SERPINB8: variants seen among roughly 807,000 people sequenced by gnomAD.
The protein encoded by SERPINB8 is serpin B8.
SERPINB8 carries 25 observed loss-of-function variants against 35.3 expected under a neutral mutation model. That is an observed-to-expected ratio of 0.71 (90% CI 0.52 to 0.99). The LOEUF is 0.99. SERPINB8 is among the 50% of genes least tolerant of loss of function. The pLI is 0.00. For synonymous variants in SERPINB8, 186 were observed against 160.8 expected (o/e 1.16, Z -1.19); for missense variants, 484 against 446.5 (o/e 1.08, Z -0.76).
rs2050442052 is a variant in SERPINB8, at chr18:63,970,190, AC to A, written c.-11+22del. The A allele has an allele frequency of 6.6e-6, 2 of 303,334 alleles. No homozygotes were observed. The highest frequency in any genetic ancestry group is 1.3e-5 in the Non-Finnish European group (2 of 154,990). 18.8% of individuals were successfully genotyped at this position (303,334 alleles called of 1,614,324 possible). A position where few individuals can be genotyped will look rare whatever the true frequency, so the allele number is the denominator to read the frequency against. ...CAGGAGGTGGGGGCCTCTGCCAGGT[AC>A]CGGGCGGGGCAGGCACGGAGGTGCC... On this transcript the variant is annotated intron_variant, in intron 1 of 6. Coordinates refer to ENST00000397985, the MANE Select transcript of SERPINB8 (RefSeq NM_002640.4).
intron 1 of SERPINB8, among the ~76,000 whole-genome samples, chr18:63,976,928 T>C (rs1261428303): frequency 6.6e-6 from 1 of 152,082 alleles, no homozygotes; most frequent in Non-Finnish European, 1.5e-5. Flanking sequence ...TTTTTGTCTT[T>C]CCAGTAGCCT....
Position 63,978,416 on chromosome 18 carries a change from C to T in SERPINB8, c.108C>T (p.Ser36=), listed in dbSNP as rs988022190. ...RNVFFSPMSI[S]SALAMVFMGA... ...TATTCTTCTCTCCCATGAGCATCTC[C>T]TCTGCCCTGGCCATGGTCTTCATGG... is the stretch of plus-strand genomic sequence containing the variant. Residue 36 remains serine (S), a synonymous_variant, in exon 2 of 7, where the codon TCC becomes TCT. Coordinates refer to ENST00000397985, the MANE Select transcript of SERPINB8 (RefSeq NM_002640.4). The T allele has an allele frequency of 3.7e-6, 6 of 1,614,120 alleles. No individual in the cohort carries two copies. Among genetic ancestry groups the T allele is most frequent in the Non-Finnish European group, 5.1e-6 (6 of 1,180,052 alleles).
intron 1 of SERPINB8, among the ~76,000 whole-genome samples, chr18:63,973,748 G>T (rs11874530): frequency 2.0e-5 from 3 of 151,934 alleles, no homozygotes; most frequent in Non-Finnish European, 2.9e-5. Context: ...TAGGGAATCC[G>T]TTCTCCATTT....
At chr18:64,010,318 C>T (rs1332595402), downstream of SERPINB8, among the ~76,000 whole-genome samples, 1 of 152,130 alleles carries the variant, frequency 6.6e-6, no homozygotes, top group African/African-American at 2.4e-5. Flanking sequence ...TGGGAACAGG[C>T]ATTGGTAAAA....
intron 1 of SERPINB8, among the ~76,000 whole-genome samples, chr18:64,000,935 A>G (rs1272402769): frequency 6.6e-6 from 1 of 152,164 alleles, no homozygotes; most frequent in Admixed American, 6.5e-5. Context: ...ATGTATTTCG[A>G]ATCTCTCTTA....
intron 5 of SERPINB8, 151 bp downstream of exon 5, chr18:63,983,872 G>A (rs1182984218): frequency 4.9e-6 from 3 of 606,508 alleles, no homozygotes; most frequent in Non-Finnish European, 5.2e-6. Context: ...TTTGAGACAG[G>A]GTCTCTTTTT....
At chr18:63,992,444 G>C (rs2050829388), downstream of SERPINB8, among the ~76,000 whole-genome samples, 1 of 152,132 alleles carries the variant, frequency 6.6e-6, no homozygotes, top group Non-Finnish European at 1.5e-5. Context: ...AAAATCTGTA[G>C]TAATACCATC....
intron 1 of SERPINB8, among the ~76,000 whole-genome samples, chr18:63,971,031 G>C (rs1336976733): frequency 6.6e-6 from 1 of 151,988 alleles, no homozygotes; most frequent in Non-Finnish European, 1.5e-5. Flanking sequence ...GCTGCTCTCC[G>C]GGCCCCTCCC....
At chr18:63,986,224 C>T in intron 6 of SERPINB8, 3 of 1,607,026 alleles carry the variant, frequency 1.9e-6, no homozygotes, top group Non-Finnish European at 2.6e-6. Context: ...GAAGGCCTTT[C>T]TCCCTTTTTT....
intron 3 of SERPINB8, among the ~76,000 whole-genome samples, chr18:63,980,776 G>T (rs1429866936): frequency 6.6e-6 from 1 of 152,182 alleles, no homozygotes; most frequent in Admixed American, 6.5e-5. Flanking sequence ...TGGTGGCTTG[G>T]CTCCTCCTTC....
At position 63,970,178 on chromosome 18, in the gene SERPINB8, C is replaced by G. The variant is rs2050441741; in HGVS notation, c.-11+8C>G. On this transcript the variant is annotated splice_region_variant and intron_variant, in intron 1 of 6. Transcript: ENST00000397985. ...CAGCAGCAGCAGCAGGAGGTGGGGG[C>G]CTCTGCCAGGTACCGGGCGGGGCAG... is the stretch of plus-strand genomic sequence containing the variant. 1 of 341,052 alleles carries G rather than the reference C, an allele frequency of 2.9e-6. No homozygotes were observed. Among genetic ancestry groups the G allele is most frequent in the East Asian group, 1.2e-4 (1 of 8,168 alleles). 21.1% of individuals were successfully genotyped at this position (341,052 alleles called of 1,614,324 possible).
At chr18:63,971,197 T>C (rs991238184) in intron 1 of SERPINB8, among the ~76,000 whole-genome samples, 1 of 152,144 alleles carries the variant, frequency 6.6e-6, no homozygotes, top group Non-Finnish European at 1.5e-5. Context: ...CTCTGTCTCT[T>C]CCTTTTACTA....
chr18:64,017,314 A>G (rs1196299462), intron 7 of SERPINB8, among the ~76,000 whole-genome samples: 1 of 152,150 alleles, frequency 6.6e-6, no homozygotes, highest in African/African-American at 2.4e-5. Context: ...TGTAATTTTA[A>G]AACTGCTTTA....
rs779893139 is a variant in SERPINB8, at chr18:63,981,809, T to A, written c.395T>A (p.Ile132Lys). 6.2e-7 allele frequency: 1 copy of A among 1,613,030 alleles called. No homozygotes were observed. The highest frequency in any genetic ancestry group is 1.3e-5 in the African/African-American group (1 of 74,872). ...AEDTEECRKH[I>K]NDWVAEKTEG... ...GACACTGAAGAGTGCAGGAAGCATA[T>A]AAATGACTGGGTGGCAGAGAAGACT... The change falls in exon 4 of 7, where the codon ATA becomes AAA. Residue 132 changes from isoleucine (I) to lysine (K), a missense_variant. Ile to Lys is a moderately radical substitution (Grantham distance 102). Transcript: ENST00000397985.
chr18:64,008,330 C>T (rs917497952), downstream of SERPINB8, among the ~76,000 whole-genome samples: 1 of 152,136 alleles, frequency 6.6e-6, no homozygotes, highest in Non-Finnish European at 1.5e-5. Context: ...GCAACTTCCA[C>T]CTCCCAGGTT....
chr18:63,998,584 G>A (rs1286253203), intron 1 of SERPINB8, among the ~76,000 whole-genome samples: 2 of 152,204 alleles, frequency 1.3e-5, no homozygotes, highest in Non-Finnish European at 2.9e-5. Flanking sequence ...CTTCTCATTT[G>A]TGCTGTGTGA....
chr18:64,017,002 A>G lies in SERPINB8; in HGVS notation c.*3-1908A>G, dbSNP rs145171965. ...CACCTCTCTGGTGTTCCCATAGCCAATAAAAAACCTGTCTGTTCACAGCTC... is the reference window on the plus strand; with the variant it reads ...CACCTCTCTGGTGTTCCCATAGCCAGTAAAAAACCTGTCTGTTCACAGCTC... On this transcript the variant is annotated intron_variant, in intron 7 of 7. Coordinates refer to the SERPINB8 transcript ENST00000636430. Among the ~76,000 whole-genome samples, 56 of 152,296 alleles carry G rather than the reference A, an allele frequency of 3.7e-4. No individual in the cohort carries two copies. In the East Asian group the frequency reaches 8.9e-3, roughly 24 times the overall value.
At chr18:64,009,933 T>C (rs116161561), downstream of SERPINB8, among the ~76,000 whole-genome samples, 79 of 152,068 alleles carry the variant, frequency 5.2e-4, no homozygotes, top group African/African-American at 1.9e-3. Flanking sequence ...ATTGAAAAAA[T>C]CAACATTAAA....
chr18:64,002,743 G>C (rs2144842872), intron 1 of SERPINB8, among the ~76,000 whole-genome samples: 1 of 152,148 alleles, frequency 6.6e-6, no homozygotes, highest in South Asian at 2.1e-4. Context: ...ACCCCGCCCC[G>C]GGTCCCCCAC....
Sources: allele counts gnomAD v4.1 joint callset (sites outside exome capture counted in the v4.1 genomes callset), GRCh38; gene constraint gnomAD v4.1.1; transcripts MANE v1.5; gene names NCBI Gene and HGNC (gene_info 2026-07-23, HGNC 2026-07-21).